Variants in KCNH7 observed in about 807,000 individuals in gnomAD.
KCNH7 encodes voltage-gated inwardly rectifying potassium channel KCNH7.
KCNH7 carries 49 observed loss-of-function variants against 120.8 expected under a neutral mutation model. The observed-to-expected ratio is 0.41, with a 90% CI of 0.32 to 0.51. KCNH7 has a LOEUF of 0.51. Ranked by LOEUF, KCNH7 falls within the 20% of genes least tolerant of loss-of-function variation. The probability of loss-of-function intolerance (pLI) is 0.38; values close to 1 mark genes in which losing one functional copy is unlikely to be tolerated. For missense variants in KCNH7, 1,097 were observed against 1,446.6 expected (o/e 0.76, Z 3.92); for synonymous variants, 547 against 516.1 (o/e 1.06, Z -0.81).
At chr2:162,374,042 A>C (rs200166610) in intron 14 of KCNH7, among the ~76,000 whole-genome samples, 1 of 152,182 alleles carries the variant, frequency 6.6e-6, no homozygotes, top group Non-Finnish European at 1.5e-5. Context: ...TTTGCTCTTA[A>C]AAAATAGATT....
At chr2:162,699,957 A>G (rs374310891) in intron 2 of KCNH7, among the ~76,000 whole-genome samples, 1 of 152,200 alleles carries the variant, frequency 6.6e-6, no homozygotes, top group East Asian at 1.9e-4. Flanking sequence ...TAGGAAATGA[A>G]GAAAAGAGAA....
intron 3 of KCNH7, among the ~76,000 whole-genome samples, chr2:162,525,658 G>C (rs955003587): frequency 1.3e-5 from 2 of 151,910 alleles, no homozygotes; most frequent in Non-Finnish European, 2.9e-5. Context: ...AAATTAAAAA[G>C]TCCATTCAAG....
At chr2:162,475,913 G>A (rs932703998) in intron 6 of KCNH7, among the ~76,000 whole-genome samples, 6 of 152,184 alleles carry the variant, frequency 3.9e-5, no homozygotes, top group Non-Finnish European at 7.4e-5. Flanking sequence ...GGCATTGCTG[G>A]TGCTTATCTG....
At chr2:162,383,394 T>C (rs976181820) in intron 13 of KCNH7, among the ~76,000 whole-genome samples, 1 of 151,974 alleles carries the variant, frequency 6.6e-6, no homozygotes, top group Non-Finnish European at 1.5e-5. Context: ...GAGGTACTAT[T>C]TCCACTCACT....
chr2:162,812,882 T>G (rs1471934052), intron 2 of KCNH7, among the ~76,000 whole-genome samples: 1 of 152,088 alleles, frequency 6.6e-6, no homozygotes, highest in Non-Finnish European at 1.5e-5. Flanking sequence ...TAGATGACCT[T>G]GGAGTAACTG....
At chr2:162,801,838 G>C (rs1301732629) in intron 2 of KCNH7, among the ~76,000 whole-genome samples, 2 of 151,738 alleles carry the variant, frequency 1.3e-5, no homozygotes, top group African/African-American at 2.4e-5. Context: ...TGTTGGAAGA[G>C]GGAGCCATGC....
intron 2 of KCNH7, among the ~76,000 whole-genome samples, chr2:162,695,321 G>C (rs1030041291): frequency 8.5e-5 from 13 of 152,072 alleles, no homozygotes; most frequent in African/African-American, 2.9e-4. Context: ...ATTGGATTTA[G>C]GGAGGGTGGT....
intron 2 of KCNH7, among the ~76,000 whole-genome samples, chr2:162,711,287 TG>T (rs1303315411): frequency 6.6e-6 from 1 of 152,242 alleles, no homozygotes; most frequent in East Asian, 1.9e-4. Flanking sequence ...TGAAAGGTAC[TG>T]TATTTTTAGA....
At chr2:162,824,763 A>T (rs1559151118) in intron 2 of KCNH7, among the ~76,000 whole-genome samples, 1 of 152,102 alleles carries the variant, frequency 6.6e-6, no homozygotes, top group South Asian at 2.1e-4. Context: ...CACTTCTGTT[A>T]CATGATATCC....
chr2:162,548,813 ACT>A (rs1692567878), intron 2 of KCNH7, among the ~76,000 whole-genome samples: 1 of 152,214 alleles, frequency 6.6e-6, no homozygotes, highest in African/African-American at 2.4e-5. Flanking sequence ...TTATGGAGTT[ACT>A]GTGATGATTA....
intron 2 of KCNH7, among the ~76,000 whole-genome samples, chr2:162,819,144 A>G (rs1034307277): frequency 6.6e-6 from 1 of 152,232 alleles, no homozygotes; most frequent in Admixed American, 6.5e-5. Context: ...TTAATCCTGA[A>G]CTGTTAAAAA....
At chr2:162,494,125 T>G (rs1690416810) in intron 6 of KCNH7, among the ~76,000 whole-genome samples, 1 of 152,172 alleles carries the variant, frequency 6.6e-6, no homozygotes, top group African/African-American at 2.4e-5. Flanking sequence ...TAAGGTTTCA[T>G]TTAAAAATTG....
At chr2:162,816,509 C>T (rs1279024318) in intron 2 of KCNH7, among the ~76,000 whole-genome samples, 1 of 152,048 alleles carries the variant, frequency 6.6e-6, no homozygotes, top group East Asian at 1.9e-4. Flanking sequence ...GATCTATTTG[C>T]CACTTAAGAA....
At chr2:162,615,156 C>T (rs979920891) in intron 2 of KCNH7, among the ~76,000 whole-genome samples, 1 of 152,088 alleles carries the variant, frequency 6.6e-6, no homozygotes, top group African/African-American at 2.4e-5. Context: ...GAACACCTTG[C>T]CCTGAGTACT....
chr2:162,827,234 C>T (rs1685317338), intron 2 of KCNH7, among the ~76,000 whole-genome samples: 1 of 152,014 alleles, frequency 6.6e-6, no homozygotes. Flanking sequence ...ATCACATAAT[C>T]TTGCCAGGAA....
intron 2 of KCNH7, among the ~76,000 whole-genome samples, chr2:162,756,815 G>T (rs1357522385): frequency 6.6e-6 from 1 of 152,086 alleles, no homozygotes; most frequent in Non-Finnish European, 1.5e-5. Context: ...CGCTTTAAAG[G>T]ACAATTTAGC....
chr2:162,783,761 G>A (rs1242991583), intron 2 of KCNH7, among the ~76,000 whole-genome samples: 1 of 152,140 alleles, frequency 6.6e-6, no homozygotes, highest in African/African-American at 2.4e-5. Flanking sequence ...ACATCTCTAA[G>A]ATGATGAATA....
chr2:162,633,561 A>T (rs1164121077), intron 2 of KCNH7, among the ~76,000 whole-genome samples: 1 of 151,820 alleles, frequency 6.6e-6, no homozygotes, highest in African/African-American at 2.4e-5. Context: ...TAATATTTTC[A>T]TCTTATTTCT....
intron 6 of KCNH7, among the ~76,000 whole-genome samples, chr2:162,495,028 T>C (rs1192905142): frequency 1.3e-5 from 2 of 152,230 alleles, no homozygotes; most frequent in Non-Finnish European, 2.9e-5. Flanking sequence ...GAACAAAATT[T>C]TGAGCATATT....
Sources: gnomAD v4.1 joint callset for allele counts (sites outside exome capture counted in the v4.1 genomes callset) on GRCh38, gnomAD v4.1.1 for gene constraint, MANE v1.5 for transcripts, NCBI Gene and HGNC (gene_info 2026-07-23, HGNC 2026-07-21) for gene names.